The following METTL15 variants were observed in gnomAD, a reference collection of about 807,000 sequenced individuals.
METTL15 encodes the protein 12S rRNA N(4)-cytidine methyltransferase METTL15.
METTL15 carries 34 observed loss-of-function variants against 38.3 expected under a neutral mutation model. The ratio of observed to expected loss-of-function variants is 0.89; its 90% confidence interval spans 0.68 to 1.18. The LOEUF (loss-of-function observed/expected upper bound fraction) is 1.18. Ranked by LOEUF, METTL15 falls within the 50% of genes most tolerant of loss-of-function variation. The pLI is 0.00. For synonymous variants in METTL15, 162 were observed against 170.9 expected (o/e 0.95, Z 0.41); for missense variants, 438 against 498.4 (o/e 0.88, Z 1.15).
intron 3 of METTL15, among the ~76,000 whole-genome samples, chr11:28,346,350 G>C (rs1849995884): frequency 6.6e-6 from 1 of 152,074 alleles, no homozygotes. Flanking sequence ...ATGTAAATAA[G>C]ATTTTTTTAA....
intron 6 of METTL15, among the ~76,000 whole-genome samples, chr11:28,307,078 C>T (rs982135246): frequency 9.2e-5 from 14 of 151,756 alleles, no homozygotes; most frequent in African/African-American, 3.4e-4. Flanking sequence ...TCACTGTAAT[C>T]TTCAGATGAC....
At chr11:28,430,580 C>G (rs1423327546) in intron 6 of METTL15, among the ~76,000 whole-genome samples, 1 of 40,504 alleles carries the variant, frequency 2.5e-5, no homozygotes, top group Non-Finnish European at 5.4e-5. Flanking sequence ...GGCCAGCCGC[C>G]CCGTCCGGGA....
intron 6 of METTL15, among the ~76,000 whole-genome samples, chr11:28,486,924 T>C (rs1851444154): frequency 6.6e-6 from 1 of 152,098 alleles, no homozygotes; most frequent in Non-Finnish European, 1.5e-5. Context: ...GTGCTAGGTG[T>C]GGACAGGCAG....
At chr11:28,364,849 C>T (rs1020619971) in intron 5 of METTL15, among the ~76,000 whole-genome samples, 5 of 152,140 alleles carry the variant, frequency 3.3e-5, no homozygotes, top group African/African-American at 1.2e-4. Context: ...GAGGTATATT[C>T]CTTCAGTGCC....
intron 1 of METTL15, among the ~76,000 whole-genome samples, chr11:28,109,076 T>G (rs1421462405): frequency 6.6e-6 from 1 of 152,228 alleles, no homozygotes; most frequent in East Asian, 1.9e-4. Flanking sequence ...AGCTTATATT[T>G]TGTGGATTCA....
At chr11:28,435,014 T>G (rs1850968754) in intron 6 of METTL15, among the ~76,000 whole-genome samples, 1 of 152,166 alleles carries the variant, frequency 6.6e-6, no homozygotes, top group African/African-American at 2.4e-5. Context: ...AAGCCTAGAG[T>G]TAGAGTGTGA....
intron 5 of METTL15, among the ~76,000 whole-genome samples, chr11:28,394,143 G>T (rs143364236): frequency 3.9e-5 from 6 of 152,064 alleles, no homozygotes; most frequent in Admixed American, 1.3e-4. Context: ...GAAAGAAGTG[G>T]CAGAGCAGAG....
At chr11:28,144,579 A>G (rs1849813995) in intron 3 of METTL15, among the ~76,000 whole-genome samples, 1 of 152,138 alleles carries the variant, frequency 6.6e-6, no homozygotes, top group South Asian at 2.1e-4. Context: ...TTCAAAGTGC[A>G]GTAGCAGGAA....
downstream of METTL15, among the ~76,000 whole-genome samples, chr11:28,527,263 C>T (rs1042311312): frequency 2.6e-5 from 4 of 152,154 alleles, no homozygotes; most frequent in African/African-American, 9.7e-5. Flanking sequence ...TGCTTTGACT[C>T]ATAGTTTTTC....
chr11:28,214,021 G>A (rs527869471), intron 4 of METTL15, among the ~76,000 whole-genome samples: 1 of 152,156 alleles, frequency 6.6e-6, no homozygotes, highest in Middle Eastern at 3.4e-3. Context: ...TTAACATTAT[G>A]AATTTAGCAT....
intron 6 of METTL15, among the ~76,000 whole-genome samples, chr11:28,451,845 T>C (rs10835339): frequency 0.42 from 64,230 of 152,002 alleles, 14,983 homozygotes; most frequent in Admixed American, 0.54. Context: ...AGAAAAGTTA[T>C]TGCCTTACAT....
chr11:28,191,146 T>C (rs897131604), intron 3 of METTL15, among the ~76,000 whole-genome samples: 3 of 151,446 alleles, frequency 2.0e-5, no homozygotes, highest in African/African-American at 7.2e-5. Context: ...GATTTTGCAA[T>C]TTCCTGTAGA....
chr11:28,467,787 C>CT (rs35602511), intron 6 of METTL15, among the ~76,000 whole-genome samples: 17 of 152,034 alleles, frequency 1.1e-4, no homozygotes, highest in Admixed American at 2.6e-4. Flanking sequence ...AATAAATTAA[C>CT]TTTTTTGGAT....
At chr11:28,365,846 G>C (rs1449491229) in intron 5 of METTL15, among the ~76,000 whole-genome samples, 4 of 152,078 alleles carry the variant, frequency 2.6e-5, no homozygotes, top group African/African-American at 4.8e-5. Flanking sequence ...GGCCAGGAGA[G>C]TGAGACCTTC....
chr11:28,241,562 C>A (rs745542744), intron 4 of METTL15, among the ~76,000 whole-genome samples: 60 of 151,106 alleles, frequency 4.0e-4, no homozygotes, highest in Non-Finnish European at 6.2e-4. Context: ...AAAAGAAAAC[C>A]AGAGAAAAGC....
At chr11:28,357,375 C>A (rs1850099196) in intron 4 of METTL15, among the ~76,000 whole-genome samples, 1 of 152,162 alleles carries the variant, frequency 6.6e-6, no homozygotes, top group South Asian at 2.1e-4. Flanking sequence ...TCCCTTTCTT[C>A]TTTCTTTTCC....
intron 6 of METTL15, chr11:28,327,617 C>T (rs1342913542): frequency 1.3e-5 from 2 of 152,686 alleles, no homozygotes; most frequent in Non-Finnish European, 2.9e-5. Context: ...CATCGTTTGA[C>T]AGCTAGCTAA....
At chr11:28,364,811 C>T (rs1036075832) in intron 5 of METTL15, among the ~76,000 whole-genome samples, 1 of 152,012 alleles carries the variant, frequency 6.6e-6, no homozygotes, top group African/African-American at 2.4e-5. Context: ...TGATGTTGGA[C>T]TTTGTCATAG....
intron 6 of METTL15, among the ~76,000 whole-genome samples, chr11:28,486,497 T>C (rs889140036): frequency 6.6e-6 from 1 of 152,156 alleles, no homozygotes; most frequent in Non-Finnish European, 1.5e-5. Flanking sequence ...ACTTCTATGA[T>C]TTTCTACTGT....
Sources: gnomAD v4.1 joint callset for allele counts (sites outside exome capture counted in the v4.1 genomes callset) on GRCh38, gnomAD v4.1.1 for gene constraint, MANE v1.5 for transcripts, NCBI Gene and HGNC (gene_info 2026-07-23, HGNC 2026-07-21) for gene names.